The following BICC1 variants were observed in gnomAD, a reference collection of about 807,000 sequenced individuals.
The protein encoded by BICC1 is BicC family RNA binding protein 1.
In BICC1, 43 loss-of-function variants were observed where a neutral mutation model predicts 111.0. That is an observed-to-expected ratio of 0.39 (90% confidence interval 0.30 to 0.50). The LOEUF is 0.50. BICC1 is among the 20% of genes least tolerant of loss of function. The pLI, the probability that BICC1 is intolerant of heterozygous loss-of-function variation, is 0.88. For synonymous variants in BICC1, 467 were observed against 434.4 expected (o/e 1.07, Z -0.93); for missense variants, 1,091 against 1,203.2 (o/e 0.91, Z 1.38).
At chr10:58,552,514 T>G (rs1843323202) in intron 1 of BICC1, among the ~76,000 whole-genome samples, 1 of 151,988 alleles carries the variant, frequency 6.6e-6, no homozygotes. Context: ...TTTTTGTATT[T>G]TTAGAAGAGA....
intron 1 of BICC1, 71 bp from the exon 2 acceptor site, chr10:58,620,784 T>A: frequency 2.7e-6 from 4 of 1,456,114 alleles, no homozygotes; most frequent in Non-Finnish European, 3.8e-6. Flanking sequence ...CATTCTCATA[T>A]CTGATGCTCG....
chr10:58,520,868 T>G (rs1842369122), intron 1 of BICC1, among the ~76,000 whole-genome samples: 1 of 104,000 alleles, frequency 9.6e-6, no homozygotes, highest in Admixed American at 7.9e-5. Context: ...TTTGAAAATA[T>G]GCCCACACAT....
chr10:58,630,228 G>A (rs1272781331), intron 2 of BICC1, among the ~76,000 whole-genome samples: 1 of 152,140 alleles, frequency 6.6e-6, no homozygotes, highest in Admixed American at 6.5e-5. Context: ...CATGGAGTGA[G>A]GGAGAGGCCA....
intron 14 of BICC1, among the ~76,000 whole-genome samples, chr10:58,801,548 A>G (rs1843547846): frequency 6.6e-6 from 1 of 152,120 alleles, no homozygotes; most frequent in Non-Finnish European, 1.5e-5. Context: ...AATATTAAAT[A>G]TAACTCTTCC....
At chr10:58,646,265 G>A (rs770937514) in intron 2 of BICC1, among the ~76,000 whole-genome samples, 6 of 152,090 alleles carry the variant, frequency 3.9e-5, no homozygotes, top group Non-Finnish European at 8.8e-5. Flanking sequence ...TTTTAAATGC[G>A]TTGATCATAT....
intron 1 of BICC1, among the ~76,000 whole-genome samples, chr10:58,589,052 C>T (rs1406397665): frequency 1.3e-5 from 2 of 152,196 alleles, no homozygotes; most frequent in Non-Finnish European, 2.9e-5. Flanking sequence ...ACCTCTCTCA[C>T]AGTGGATGCT....
chr10:58,824,840 C>T (rs1844350463), intron 20 of BICC1, among the ~76,000 whole-genome samples: 1 of 152,064 alleles, frequency 6.6e-6, no homozygotes, highest in Admixed American at 6.6e-5. Context: ...CCCTAATTTC[C>T]ATAGTCTGAT....
At chr10:58,649,374 C>T (rs1477145117) in intron 2 of BICC1, among the ~76,000 whole-genome samples, 1 of 152,152 alleles carries the variant, frequency 6.6e-6, no homozygotes, top group Non-Finnish European at 1.5e-5. Flanking sequence ...TGAAGCTGGG[C>T]TTGTGCTCTC....
intron 1 of BICC1, among the ~76,000 whole-genome samples, chr10:58,575,853 T>A (rs1844096318): frequency 6.6e-6 from 1 of 152,224 alleles, no homozygotes; most frequent in Admixed American, 6.5e-5. Flanking sequence ...ATCTTTTATT[T>A]ATGCAAGTTC....
At chr10:58,736,193 C>G (rs1841461131) in intron 3 of BICC1, among the ~76,000 whole-genome samples, 1 of 152,112 alleles carries the variant, frequency 6.6e-6, no homozygotes, top group Non-Finnish European at 1.5e-5. Context: ...TGATGCAGAT[C>G]AGTTCTATGT....
intron 1 of BICC1, among the ~76,000 whole-genome samples, chr10:58,523,093 A>G (rs1842436203): frequency 6.6e-6 from 1 of 152,202 alleles, no homozygotes; most frequent in Non-Finnish European, 1.5e-5. Flanking sequence ...GTCCAGAACC[A>G]GATAGATTCA....
At chr10:58,824,953 A>C (rs1399597214) in intron 20 of BICC1, among the ~76,000 whole-genome samples, 1 of 152,182 alleles carries the variant, frequency 6.6e-6, no homozygotes, top group African/African-American at 2.4e-5. Context: ...AATCTGTTTC[A>C]ATTAACTTTT....
At chr10:58,757,240 C>T (rs1842173238) in intron 3 of BICC1, among the ~76,000 whole-genome samples, 1 of 152,134 alleles carries the variant, frequency 6.6e-6, no homozygotes, top group African/African-American at 2.4e-5. Flanking sequence ...ATATAATGTT[C>T]TGTGGATTTG....
intron 1 of BICC1, among the ~76,000 whole-genome samples, chr10:58,599,930 G>T (rs1305901377): frequency 1.0e-4 from 1 of 9,574 alleles, no homozygotes; most frequent in Non-Finnish European, 4.0e-4. Context: ...ACTAAAGAGG[G>T]TGTGTGTGTG....
intron 1 of BICC1, among the ~76,000 whole-genome samples, chr10:58,532,737 A>T (rs1842714746): frequency 6.6e-6 from 1 of 151,882 alleles, no homozygotes; most frequent in African/African-American, 2.4e-5. Context: ...TCTGACTAAA[A>T]AATCAAAGTT....
At chr10:58,691,350 T>C (rs1839902165) in intron 2 of BICC1, among the ~76,000 whole-genome samples, 1 of 152,212 alleles carries the variant, frequency 6.6e-6, no homozygotes, top group African/African-American at 2.4e-5. Flanking sequence ...TGAGATCTGA[T>C]AGAAGATCTG....
rs1253099936 is a variant in BICC1, at chr10:58,788,422, G to A, written c.599G>A (p.Arg200Gln). The A allele has an allele frequency of 3.1e-6, 5 of 1,605,870 alleles. No homozygotes were observed. The highest frequency in any genetic ancestry group is 2.2e-5 in the East Asian group (1 of 44,776). The change falls in exon 6 of 21, where the codon CGG becomes CAG. Residue 200 changes from arginine to glutamine, a missense_variant and splice_region_variant. Around this residue, in one of 3 missense-constraint regions of BICC1, gnomAD observed 843 missense variants for 900.8 expected, o/e 0.94. Coordinates refer to ENST00000373886, the MANE Select transcript of BICC1 (RefSeq NM_001080512.3). The stretch of plus-strand genomic sequence containing the variant: ...GTAGAATCTGCCCGAGTTAGAATTC[G>A]GGTAACTATTTATTACTTTAACATT... ...AGVESARVRI[R>Q]ELLPLVLMFE...
At chr10:58,764,339 CAA>C (rs1564600456) in intron 3 of BICC1, among the ~76,000 whole-genome samples, 2 of 151,978 alleles carry the variant, frequency 1.3e-5, no homozygotes, top group African/African-American at 4.8e-5. Flanking sequence ...GAAGTGGAAA[CAA>C]ATCTGATTTA....
chr10:58,763,944 G>T (rs1312378675), intron 3 of BICC1, among the ~76,000 whole-genome samples: 1 of 151,982 alleles, frequency 6.6e-6, no homozygotes, highest in East Asian at 1.9e-4. Context: ...AAGAGCAGAG[G>T]CAGAGAAGAC....
Sources: allele counts gnomAD v4.1 joint callset (sites outside exome capture counted in the v4.1 genomes callset), GRCh38; gene constraint gnomAD v4.1.1; regional missense constraint gnomAD v4.1.1; transcripts MANE v1.5; gene names NCBI Gene and HGNC (gene_info 2026-07-23, HGNC 2026-07-21).